RBKS: variants seen among roughly 807,000 people sequenced by gnomAD.
RBKS encodes the protein ribokinase.
A neutral mutation model predicts 33.9 loss-of-function variants in RBKS; 33 were observed. The observed-to-expected ratio is 0.97, with a 90% CI of 0.74 to 1.30. The LOEUF (loss-of-function observed/expected upper bound fraction) is 1.30, where lower values mean the gene tolerates loss of function less well. RBKS is among the 50% of genes most tolerant of loss of function. RBKS has a pLI of 0.00. For missense variants in RBKS, 361 were observed against 392.6 expected, an observed-to-expected ratio of 0.92 and a Z score of 0.68; for synonymous variants, 125 against 143.0, an observed-to-expected ratio of 0.87 and a Z score of 0.90.
At chr2:27,785,042 C>G (rs1016960507) in intron 7 of RBKS, among the ~76,000 whole-genome samples, 2 of 152,166 alleles carry the variant, frequency 1.3e-5, no homozygotes, top group African/African-American at 4.8e-5. Flanking sequence ...GATGCCAAGT[C>G]TTGACTCCTC....
intron 7 of RBKS, among the ~76,000 whole-genome samples, chr2:27,791,607 T>G (rs1677521346): frequency 7.4e-6 from 1 of 134,628 alleles, no homozygotes; most frequent in South Asian, 2.3e-4. Context: ...ATTCCCATAA[T>G]AAATCTACAC....
At chr2:27,859,796 A>G (rs1015186275) in intron 1 of RBKS, among the ~76,000 whole-genome samples, 1 of 152,240 alleles carries the variant, frequency 6.6e-6, no homozygotes, top group Non-Finnish European at 1.5e-5. Flanking sequence ...TTTACAGGTT[A>G]GAAATTTATA....
intron 7 of RBKS, among the ~76,000 whole-genome samples, chr2:27,815,204 G>T (rs889479823): frequency 6.6e-6 from 1 of 151,888 alleles, no homozygotes. Context: ...GCTCTAGGTG[G>T]TTTTTTTTCC....
intron 1 of RBKS, among the ~76,000 whole-genome samples, chr2:27,885,095 A>T (rs1250338985): frequency 6.6e-6 from 1 of 151,832 alleles, no homozygotes; most frequent in Non-Finnish European, 1.5e-5. Flanking sequence ...AACCCTCCCA[A>T]TTCCACTCTG....
chr2:27,800,253 T>C (rs11127125), intron 7 of RBKS, among the ~76,000 whole-genome samples: 43,593 of 151,926 alleles, frequency 0.29, 7,075 homozygotes, highest in East Asian at 0.62. Flanking sequence ...AAATTCACTG[T>C]CTTTTCACTG....
At chr2:27,869,733 T>G (rs534412535) in intron 1 of RBKS, 26 of 185,772 alleles carry the variant, frequency 1.4e-4, no homozygotes, top group Non-Finnish European at 5.3e-5. Context: ...TTCCTGCAAC[T>G]AGACGGTCCT....
chr2:27,871,908 T>C (rs745420845), intron 1 of RBKS, among the ~76,000 whole-genome samples: 9 of 152,234 alleles, frequency 5.9e-5, no homozygotes, highest in Non-Finnish European at 1.3e-4. Flanking sequence ...CTAGCATCAG[T>C]GCCTCAGCTC....
intron 1 of RBKS, among the ~76,000 whole-genome samples, chr2:27,875,579 T>C (rs937778194): frequency 4.5e-4 from 69 of 152,192 alleles, no homozygotes; most frequent in African/African-American, 1.6e-3. Context: ...AAAACAAGAA[T>C]GTTATTTCCT....
chr2:27,816,037 G>A (rs911413058), intron 7 of RBKS, among the ~76,000 whole-genome samples: 7 of 152,108 alleles, frequency 4.6e-5, no homozygotes, highest in Admixed American at 6.5e-5. Context: ...GCTGTCAGGC[G>A]GTAGTCACAT....
chr2:27,851,582 A>C (rs1230221043), intron 2 of RBKS, among the ~76,000 whole-genome samples: 1 of 151,698 alleles, frequency 6.6e-6, no homozygotes, highest in Non-Finnish European at 1.5e-5. Flanking sequence ...CTTGTTGCCC[A>C]AGCTGGAGTG....
At chr2:27,805,160 A>G (rs1338737601) in intron 7 of RBKS, among the ~76,000 whole-genome samples, 1 of 152,236 alleles carries the variant, frequency 6.6e-6, no homozygotes. Flanking sequence ...GTCTTGGGCC[A>G]TAAAATACAC....
chr2:27,822,199 A>G (rs1203475824), intron 7 of RBKS, among the ~76,000 whole-genome samples: 1 of 152,224 alleles, frequency 6.6e-6, no homozygotes, highest in Non-Finnish European at 1.5e-5. Flanking sequence ...CAGCAGGACT[A>G]TGGCTAAGCA....
intron 7 of RBKS, among the ~76,000 whole-genome samples, chr2:27,819,113 A>G (rs1163207765): frequency 6.6e-6 from 1 of 152,220 alleles, no homozygotes; most frequent in Non-Finnish European, 1.5e-5. Context: ...CTGTGACAAA[A>G]TACCATGGAC....
intron 7 of RBKS, among the ~76,000 whole-genome samples, chr2:27,789,973 G>GTGTGTATATATATATATA (rs1677489204): frequency 1.2e-5 from 1 of 85,260 alleles, no homozygotes; most frequent in African/African-American, 4.8e-5. Flanking sequence ...ATATATATAT[G>GTGTGTATATATATATATA]TATATATATA....
intron 7 of RBKS, among the ~76,000 whole-genome samples, chr2:27,813,762 G>C (rs989010648): frequency 1.3e-5 from 2 of 152,144 alleles, no homozygotes. Context: ...GAAAATGGTT[G>C]TGAGTTTTTC....
chr2:27,797,745 G>A (rs993170033), intron 7 of RBKS, among the ~76,000 whole-genome samples: 10 of 152,134 alleles, frequency 6.6e-5, no homozygotes, highest in African/African-American at 2.2e-4. Context: ...AGGAGCAGGG[G>A]TACAAAGGAA....
At chr2:27,861,743 C>G (rs1219663320) in intron 1 of RBKS, among the ~76,000 whole-genome samples, 1 of 151,536 alleles carries the variant, frequency 6.6e-6, no homozygotes, top group Non-Finnish European at 1.5e-5. Context: ...CCTCTGCCTC[C>G]TGGGTTCAAA....
intron 7 of RBKS, among the ~76,000 whole-genome samples, chr2:27,790,156 T>C (rs2148182916): frequency 6.6e-6 from 1 of 151,804 alleles, no homozygotes; most frequent in South Asian, 2.1e-4. Flanking sequence ...TTTGAAGCAT[T>C]TTGGATTGCA....
intron 1 of RBKS, among the ~76,000 whole-genome samples, chr2:27,859,905 T>A (rs956867883): frequency 1.2e-4 from 18 of 152,194 alleles, no homozygotes; most frequent in African/African-American, 4.3e-4. Context: ...CGGGATGACA[T>A]ATAACTGATG....
Sources: gnomAD v4.1 joint callset for allele counts (sites outside exome capture counted in the v4.1 genomes callset) on GRCh38, gnomAD v4.1.1 for gene constraint, MANE v1.5 for transcripts, NCBI Gene and HGNC (gene_info 2026-07-23, HGNC 2026-07-21) for gene names.